The following VEGFC variants were observed in gnomAD, a reference collection of about 807,000 sequenced individuals.
VEGFC encodes FLT4 ligand DHM.
VEGFC carries 12 observed loss-of-function variants against 46.1 expected under a neutral mutation model. The observed-to-expected ratio is 0.26, with a 90% CI of 0.17 to 0.42. The LOEUF (loss-of-function observed/expected upper bound fraction) is 0.42, where lower values mean the gene tolerates loss of function less well. VEGFC is among the 10% of genes least tolerant of loss of function. VEGFC has a pLI of 1.00. For missense variants in VEGFC, 488 were observed against 529.4 expected (o/e 0.92, Z 0.77); for synonymous variants, 232 against 195.5 (o/e 1.19, Z -1.56).
rs374740893 is a variant in VEGFC, at chr4:176,716,345, G to C, written c.553-4695C>G. On this transcript the variant is annotated intron_variant, in intron 3 of 6. Coordinates refer to ENST00000618562, the MANE Select transcript of VEGFC (RefSeq NM_005429.5). Reference sequence around the variant, plus strand: ...TAACCCCAGCACTTTGGGAGGCTGAGGTGGGAGGATCACTTGAGGTCAGGA... The same window carrying C: ...TAACCCCAGCACTTTGGGAGGCTGACGTGGGAGGATCACTTGAGGTCAGGA... 1.9e-3 allele frequency among the ~76,000 whole-genome samples: 296 copies of C among 152,068 alleles called. 3 individuals carry two copies. Among genetic ancestry groups the C allele is most frequent in the African/African-American group, 6.8e-3 (283 of 41,484 alleles).
intron 3 of VEGFC, among the ~76,000 whole-genome samples, chr4:176,719,865 A>C (rs563820801): frequency 1.3e-5 from 2 of 152,282 alleles, no homozygotes; most frequent in South Asian, 4.1e-4. Flanking sequence ...GTTCGAGACC[A>C]GCCTGGCCAA....
intron 4 of VEGFC, among the ~76,000 whole-genome samples, chr4:176,694,518 C>T (rs1489780173): frequency 6.6e-6 from 1 of 151,708 alleles, no homozygotes; most frequent in Non-Finnish European, 1.5e-5. Context: ...TAGACTCCCA[C>T]ACATTAATAA....
At chr4:176,731,388 A>G (rs1734962339) in intron 1 of VEGFC, among the ~76,000 whole-genome samples, 1 of 152,058 alleles carries the variant, frequency 6.6e-6, no homozygotes, top group Non-Finnish European at 1.5e-5. Context: ...CATGATTATG[A>G]TAATCATTTC....
In VEGFC at chr4:176,687,417, T is replaced by G. The variant is rs1579083062; in HGVS notation, c.915A>C (p.Gly305=). 6.2e-7 allele frequency: 1 copy of G among 1,614,172 alleles called. No homozygotes were observed. The change falls in exon 6 of 7, where the codon GGA becomes GGC. Residue 305 remains glycine, a synonymous_variant. Coordinates refer to ENST00000618562, the MANE Select transcript of VEGFC (RefSeq NM_005429.5). ...AGTTTCTGTCTAGTTCTTTGTGGGG[T>G]CCACAGCTGGCAGGCCGAAGCCCCG... ...CRAGLRPASC[G]PHKELDRNSC... is the part of the protein sequence containing the mutation.
chr4:176,698,729 A>C (rs1461577658), intron 4 of VEGFC, among the ~76,000 whole-genome samples: 1 of 152,094 alleles, frequency 6.6e-6, no homozygotes, highest in African/African-American at 2.4e-5. Flanking sequence ...CCCACCCCCA[A>C]GACCGTGGTG....
intron 1 of VEGFC, among the ~76,000 whole-genome samples, chr4:176,752,422 T>A (rs1364488859): frequency 6.6e-6 from 1 of 152,060 alleles, no homozygotes; most frequent in African/African-American, 2.4e-5. Context: ...AGACAACAAC[T>A]TTTGACTCCA....
chr4:176,692,653 T>G (rs966496131), intron 4 of VEGFC, among the ~76,000 whole-genome samples: 3 of 146,926 alleles, frequency 2.0e-5, no homozygotes, highest in African/African-American at 8.0e-5. Context: ...CCTGCCTCTG[T>G]AGGCTCCACC....
At chr4:176,762,732 G>A (rs78253605) in intron 1 of VEGFC, among the ~76,000 whole-genome samples, 1,703 of 152,250 alleles carry the variant, frequency 0.011, 25 homozygotes, top group Middle Eastern at 0.099. Context: ...AGAAGGTAAA[G>A]TATTCCTAGG....
At chr4:176,785,167 T>C (rs1735981045) in intron 1 of VEGFC, among the ~76,000 whole-genome samples, 1 of 152,184 alleles carries the variant, frequency 6.6e-6, no homozygotes, top group Non-Finnish European at 1.5e-5. Flanking sequence ...TACTTTACTA[T>C]TGCATAAAAG....
At chr4:176,784,026 A>G (rs1282388789) in intron 1 of VEGFC, among the ~76,000 whole-genome samples, 3 of 150,740 alleles carry the variant, frequency 2.0e-5, no homozygotes, top group East Asian at 2.0e-4. Context: ...CTATATGCCA[A>G]TCATGGTTCC....
At chr4:176,762,103 T>G (rs1012775478) in intron 1 of VEGFC, among the ~76,000 whole-genome samples, 9 of 152,232 alleles carry the variant, frequency 5.9e-5, no homozygotes, top group African/African-American at 2.2e-4. Context: ...ATGTCAGATG[T>G]AGGCTCAGAA....
At chr4:176,696,088 C>T (rs1260295524) in intron 4 of VEGFC, among the ~76,000 whole-genome samples, 1 of 148,826 alleles carries the variant, frequency 6.7e-6, no homozygotes, top group Non-Finnish European at 1.5e-5. Context: ...CAGGGATGCC[C>T]TCTCTCACCA....
In VEGFC at chr4:176,709,582, C is replaced by T. The variant is rs184803117; in HGVS notation, c.704+1917G>A. On this transcript the variant is annotated intron_variant, in intron 4 of 6. Transcript: ENST00000618562. The stretch of plus-strand genomic sequence containing the variant: ...GGCTTTGGAAAGGCAGAACACAAGC[C>T]AGGGCCAGAATAGAAACAAGATACA... 1.4e-4 allele frequency among the ~76,000 whole-genome samples: 21 copies of T among 152,222 alleles called. No homozygotes were observed. The East Asian group carries it at 2.9e-3, about 21-fold the overall frequency.
At chr4:176,755,969 G>A (rs1318712335) in intron 1 of VEGFC, among the ~76,000 whole-genome samples, 1 of 151,912 alleles carries the variant, frequency 6.6e-6, no homozygotes, top group African/African-American at 2.4e-5. Context: ...AGATATATTA[G>A]TTGATATAGT....
chr4:176,702,846 G>T (rs1057331384), intron 4 of VEGFC, among the ~76,000 whole-genome samples: 3 of 151,930 alleles, frequency 2.0e-5, no homozygotes, highest in African/African-American at 7.3e-5. Flanking sequence ...ATAAAAACTT[G>T]TGTTTATTTA....
chr4:176,751,894 T>C (rs1265334270), intron 1 of VEGFC, among the ~76,000 whole-genome samples: 1 of 151,904 alleles, frequency 6.6e-6, no homozygotes, highest in Admixed American at 6.6e-5. Context: ...ATGAAAGAAT[T>C]TGATAGAGCC....
intron 1 of VEGFC, among the ~76,000 whole-genome samples, chr4:176,734,516 T>C (rs1735023206): frequency 2.0e-5 from 3 of 151,774 alleles, no homozygotes; most frequent in African/African-American, 7.2e-5. Flanking sequence ...CTAAGAAATA[T>C]ACGCGAGAAT....
Position 176,687,862 on chromosome 4 carries a change from A to T in VEGFC, c.770T>A (p.Leu257Gln). 1 of 1,613,608 alleles carries T rather than the reference A, an allele frequency of 6.2e-7. No individual in the cohort carries two copies. Among genetic ancestry groups the T allele is most frequent in the Non-Finnish European group, 8.5e-7 (1 of 1,179,830 alleles). ...YMWNNHICRCLAQEDFMFSSD... is the reference protein window; with the variant it reads ...YMWNNHICRCQAQEDFMFSSD... Reference sequence around the variant, plus strand: ...GGAAAACATAAAATCTTCCTGAGCCAGGCATCTGCAGATGTGATTATTCCA... The same window carrying T: ...GGAAAACATAAAATCTTCCTGAGCCTGGCATCTGCAGATGTGATTATTCCA... Residue 257 changes from leucine (L) to glutamine (Q), a missense_variant, in exon 5 of 7, where the codon CTG becomes CAG. Coordinates refer to ENST00000618562, the MANE Select transcript of VEGFC (RefSeq NM_005429.5).
At chr4:176,755,090 C>T (rs949776205) in intron 1 of VEGFC, among the ~76,000 whole-genome samples, 9 of 152,038 alleles carry the variant, frequency 5.9e-5, no homozygotes, top group African/African-American at 1.9e-4. Context: ...TTACTTTCAT[C>T]TGTTGGTTCC....
Sources: gnomAD v4.1 joint callset for allele counts (sites outside exome capture counted in the v4.1 genomes callset) on GRCh38, gnomAD v4.1.1 for gene constraint, MANE v1.5 for transcripts, NCBI Gene and HGNC (gene_info 2026-07-23, HGNC 2026-07-21) for gene names.